The following NMT2 variants were observed in gnomAD, a reference collection of about 807,000 sequenced individuals.
NMT2 encodes the protein glycylpeptide N-tetradecanoyltransferase 2.
NMT2 carries 35 observed loss-of-function variants against 65.4 expected under a neutral mutation model. The observed-to-expected ratio is 0.54, with a 90% CI of 0.41 to 0.71. NMT2 has a LOEUF of 0.71. NMT2 is among the 30% of genes least tolerant of loss of function. NMT2 has a pLI of 0.00. For synonymous variants in NMT2, 226 were observed against 231.8 expected (o/e 0.98, Z 0.23); for missense variants, 489 against 611.3 (o/e 0.80, Z 2.11).
intron 2 of NMT2, 29 bp from the exon 3 acceptor site, chr10:15,135,447 TGA>T (rs777924250): frequency 6.8e-5 from 109 of 1,607,144 alleles, no homozygotes; most frequent in South Asian, 1.1e-4. Context: ...ACACAGAATA[TGA>T]GAGAGCGGCT....
rs1028686211 is a variant in NMT2, at chr10:15,108,244, G to A, written c.*951C>T. On this transcript the variant is annotated 3_prime_UTR_variant, in exon 12 of 12. Transcript: ENST00000378165. The stretch of plus-strand genomic sequence containing the variant: ...GCTCTGTCACCCAGGCTGGAGTGCA[G>A]TGGCTCGATCTCGGCTCACTGCAAC... 8.5e-6 allele frequency: 8 copies of A among 937,166 alleles called. No homozygotes were observed. In the South Asian group the frequency reaches 2.5e-4, roughly 29 times the overall value. The allele number at this position is 937,166 out of a possible 1,614,324, so 58.1% of individuals were successfully genotyped here.
intron 8 of NMT2, among the ~76,000 whole-genome samples, chr10:15,124,942 G>C (rs539931968): frequency 3.3e-5 from 5 of 152,310 alleles, no homozygotes; most frequent in Admixed American, 6.5e-5. Flanking sequence ...TTTCTGCCTT[G>C]ATTTATGCTG....
chr10:15,137,218 C>T (rs751392779), intron 2 of NMT2, among the ~76,000 whole-genome samples: 2 of 152,106 alleles, frequency 1.3e-5, no homozygotes, highest in Non-Finnish European at 2.9e-5. Context: ...GGGTTTGTTT[C>T]ATACAAACAC....
At chr10:15,112,695 T>A in intron 10 of NMT2, 101 bp downstream of exon 10, 1 of 1,158,880 alleles carries the variant, frequency 8.6e-7, no homozygotes, top group African/African-American at 1.6e-5. Context: ...AAGTCTCGCA[T>A]AAATTCCACC....
intron 1 of NMT2, among the ~76,000 whole-genome samples, chr10:15,157,811 A>T (rs1429026906): frequency 6.6e-6 from 1 of 152,180 alleles, no homozygotes; most frequent in African/African-American, 2.4e-5. Context: ...CAGGTTGGTA[A>T]TCAATCTATG....
intron 1 of NMT2, among the ~76,000 whole-genome samples, chr10:15,157,757 T>C (rs979196893): frequency 1.3e-5 from 2 of 152,238 alleles, no homozygotes; most frequent in Non-Finnish European, 2.9e-5. Context: ...AAAAAATTAA[T>C]TCATTGACCC....
chr10:15,105,739 A>G (rs1007091259), downstream of NMT2, among the ~76,000 whole-genome samples: 1 of 152,230 alleles, frequency 6.6e-6, no homozygotes, highest in African/African-American at 2.4e-5. Flanking sequence ...GTACAGTACA[A>G]TGCAGTTTTA....
chr10:15,154,322 A>G (rs1832914006), intron 1 of NMT2, among the ~76,000 whole-genome samples: 1 of 152,132 alleles, frequency 6.6e-6, no homozygotes, highest in African/African-American at 2.4e-5. Context: ...AAATAATGGT[A>G]CCCTGTGTAG....
intron 1 of NMT2, among the ~76,000 whole-genome samples, chr10:15,163,656 A>G (rs17156367): frequency 0.094 from 14,330 of 152,252 alleles, 813 homozygotes; most frequent in East Asian, 0.14. Context: ...ATGTTTCTGC[A>G]TTTTCCCACT....
intron 1 of NMT2, among the ~76,000 whole-genome samples, chr10:15,164,725 C>T (rs770628420): frequency 5.9e-5 from 9 of 152,306 alleles, no homozygotes; most frequent in African/African-American, 1.9e-4. Flanking sequence ...TCAGATCCAA[C>T]GGTGAAAGCT....
intron 9 of NMT2, among the ~76,000 whole-genome samples, chr10:15,116,570 G>A (rs1355582316): frequency 3.3e-5 from 5 of 152,084 alleles, no homozygotes; most frequent in South Asian, 2.1e-4. Context: ...CAATAAACAC[G>A]AGGGTAGAAA....
chr10:15,160,366 A>G (rs1833146159), intron 1 of NMT2, among the ~76,000 whole-genome samples: 1 of 152,176 alleles, frequency 6.6e-6, no homozygotes, highest in Admixed American at 6.5e-5. Flanking sequence ...AGGCACAAGG[A>G]GCCCGGTGAT....
chr10:15,164,516 G>A (rs4748144), intron 1 of NMT2, among the ~76,000 whole-genome samples: 27,357 of 152,018 alleles, frequency 0.18, 3,066 homozygotes, highest in African/African-American at 0.32. Flanking sequence ...CTCAGTAAGA[G>A]ATCATGACCA....
At chr10:15,135,198 G>GTT in intron 3 of NMT2, 76 bp downstream of exon 3, 2 of 1,285,894 alleles carry the variant, frequency 1.6e-6, no homozygotes, top group Admixed American at 1.7e-5. Context: ...GTGTTTTGTT[G>GTT]TTGTTGTTGT....
Position 15,109,994 on chromosome 10 carries a change from G to A in NMT2, c.1339-155C>T, listed in dbSNP as rs556729018. 1.8e-4 allele frequency among the ~76,000 whole-genome samples: 27 copies of A among 152,300 alleles called. No homozygotes were observed. The South Asian group carries it at 5.0e-3, about 28-fold the overall frequency. The stretch of plus-strand genomic sequence containing the variant: ...TAGCATAGGTTAAGAATTCAGGGCC[G>A]GATGCTGTGGCTCATGCCTATAATC... On this transcript the variant is annotated intron_variant, in intron 10 of 11. Transcript: ENST00000378165.
At chr10:15,125,979 A>G (rs1180440233) in intron 8 of NMT2, among the ~76,000 whole-genome samples, 12 of 151,706 alleles carry the variant, frequency 7.9e-5, no homozygotes, top group Admixed American at 7.9e-4. Flanking sequence ...ATTTTATTTC[A>G]ATTCACACGT....
chr10:15,138,754 G>C (rs1350767029), intron 2 of NMT2, among the ~76,000 whole-genome samples: 1 of 152,190 alleles, frequency 6.6e-6, no homozygotes, highest in Non-Finnish European at 1.5e-5. Flanking sequence ...GCTATCTAGA[G>C]TTGGCATAAG....
In NMT2 at chr10:15,143,331, C is replaced by T. The variant is rs79509885; in HGVS notation, c.111-1774G>A. 1.4e-4 allele frequency among the ~76,000 whole-genome samples: 22 copies of T among 152,338 alleles called. No individual in the cohort carries two copies. In the East Asian group the frequency reaches 4.2e-3, roughly 29 times the overall value. The stretch of plus-strand genomic sequence containing the variant: ...CTTCACAACCTAGGGGATTATCCCT[C>T]TCCCACTTCTACCATGTATTCTAAC... On this transcript the variant is annotated intron_variant, in intron 1 of 11. Transcript: ENST00000378165.
chr10:15,140,956 T>G, intron 2 of NMT2: 1 of 1,541,846 alleles, frequency 6.5e-7, no homozygotes, highest in Non-Finnish European at 8.8e-7. Context: ...CGCTGCAAAC[T>G]GGTTTAATTC....
Sources: allele counts gnomAD v4.1 joint callset (sites outside exome capture counted in the v4.1 genomes callset), GRCh38; gene constraint gnomAD v4.1.1; transcripts MANE v1.5; gene names NCBI Gene and HGNC (gene_info 2026-07-23, HGNC 2026-07-21).